Variants in CNTNAP2 observed in about 807,000 individuals in gnomAD.
CNTNAP2 encodes the protein contactin associated protein 2.
A neutral mutation model predicts 155.2 loss-of-function variants in CNTNAP2; 98 were observed. The ratio of observed to expected loss-of-function variants is 0.63; its 90% CI spans 0.54 to 0.75. The LOEUF is 0.75. CNTNAP2 is among the 30% of genes least tolerant of loss of function. The pLI, the probability that CNTNAP2 is intolerant of heterozygous loss-of-function variation, is 0.00. For missense variants in CNTNAP2, 1,727 were observed against 1,688.1 expected (o/e 1.02, Z -0.40); for synonymous variants, 651 against 631.2 (o/e 1.03, Z -0.47).
At chr7:146,304,363 A>C (rs992899359) in intron 1 of CNTNAP2, among the ~76,000 whole-genome samples, 18 of 152,016 alleles carry the variant, frequency 1.2e-4, no homozygotes, top group African/African-American at 3.4e-4. Flanking sequence ...TCTTCCTAGC[A>C]TTGATGGTCT....
Position 147,469,506 on chromosome 7 carries a change from AT to A in CNTNAP2, c.1671-16403del, listed in dbSNP as rs71527812. Among the ~76,000 whole-genome samples the A allele has an allele frequency of 1.2e-3, 95 of 79,116 alleles. 1 individual carries two copies. Among genetic ancestry groups the A allele is most frequent in the Middle Eastern group, 7.6e-3 (1 of 132 alleles). 51.9% of individuals were successfully genotyped at this position (79,116 alleles called of 152,430 possible). A position where few individuals can be genotyped will look rare whatever the true frequency, so the allele number is the denominator to read the frequency against. ...CAGAGCACCAGGATGTCAGGCTGCA[AT>A]TTTTTTTTTTTTTTTTTTTTTTTTT... is the stretch of plus-strand genomic sequence containing the variant. On this transcript the variant is annotated intron_variant, in intron 10 of 23. Coordinates refer to ENST00000361727, the MANE Select transcript of CNTNAP2 (RefSeq NM_014141.6).
intron 1 of CNTNAP2, among the ~76,000 whole-genome samples, chr7:146,385,799 G>A (rs1166216949): frequency 6.6e-6 from 1 of 152,168 alleles, no homozygotes; most frequent in Admixed American, 6.5e-5. Context: ...AATGCTTACA[G>A]TAATGGGTTG....
intron 8 of CNTNAP2, among the ~76,000 whole-genome samples, chr7:147,224,135 A>G (rs1414372523): frequency 6.6e-6 from 1 of 152,078 alleles, no homozygotes; most frequent in Non-Finnish European, 1.5e-5. Context: ...TCTGGGGGGC[A>G]GCAGTTTGCC....
intron 13 of CNTNAP2, among the ~76,000 whole-genome samples, chr7:147,727,243 A>C (rs776671032): frequency 1.3e-5 from 2 of 151,920 alleles, no homozygotes; most frequent in Non-Finnish European, 2.9e-5. Context: ...TACACTGGGC[A>C]CTTAGTAGGT....
At chr7:146,126,467 G>C (rs931813644) in intron 1 of CNTNAP2, among the ~76,000 whole-genome samples, 2 of 152,074 alleles carry the variant, frequency 1.3e-5, no homozygotes, top group East Asian at 3.9e-4. Flanking sequence ...TCACAATAAG[G>C]TACTTTTGCA....
intron 15 of CNTNAP2, among the ~76,000 whole-genome samples, chr7:148,044,022 T>C (rs1802724648): frequency 6.6e-6 from 1 of 152,218 alleles, no homozygotes; most frequent in South Asian, 2.1e-4. Flanking sequence ...TACGTTTCAC[T>C]TGAGCTTGTA....
chr7:147,418,405 ATCCCTTT>A lies in CNTNAP2; in HGVS notation c.1670+22627_1670+22633del, dbSNP rs559442584. 2.1e-4 allele frequency among the ~76,000 whole-genome samples: 32 copies of A among 152,342 alleles called. 1 individual carries two copies. The highest frequency in any genetic ancestry group is 7.5e-4 in the African/African-American group (31 of 41,580). ...CATTTCAGAACACATAAGCCACGGTATCCCTTTTATTATATAGACATCGATATGAAGA... is the reference window on the plus strand; with the variant it reads ...CATTTCAGAACACATAAGCCACGGTATATTATATAGACATCGATATGAAGA... On this transcript the variant is annotated intron_variant, in intron 10 of 23. Coordinates refer to ENST00000361727, the MANE Select transcript of CNTNAP2 (RefSeq NM_014141.6).
In CNTNAP2 at chr7:146,941,501, T is replaced by TA. The variant is rs568035098; in HGVS notation, c.402+101598dup. On this transcript the variant is annotated intron_variant, in intron 3 of 23. Coordinates refer to ENST00000361727, the MANE Select transcript of CNTNAP2 (RefSeq NM_014141.6). ...TAATAGTTTTGTCTTTTAACCTTCA[T>TA]ACTAATGATATACATGATTTACACA... Among the ~76,000 whole-genome samples the TA allele has an allele frequency of 3.9e-3, 591 of 152,278 alleles. 7 individuals carry two copies. The highest frequency in any genetic ancestry group is 0.013 in the African/African-American group (542 of 41,574).
chr7:146,294,231 C>T (rs1800477139), intron 1 of CNTNAP2, among the ~76,000 whole-genome samples: 2 of 152,190 alleles, frequency 1.3e-5, no homozygotes, highest in Non-Finnish European at 1.5e-5. Flanking sequence ...AGTCATTCAT[C>T]TTAAGCATCC....
intron 3 of CNTNAP2, among the ~76,000 whole-genome samples, chr7:147,027,004 G>GAAAAAAAAAAAAAAAA (rs57810224): frequency 4.4e-5 from 3 of 67,432 alleles, no homozygotes; most frequent in African/African-American, 1.8e-4. Flanking sequence ...AAACAGAACA[G>GAAAAAAAAAAAAAAAA]AAAAAAAAAA....
chr7:146,360,594 G>C (rs1795068596), intron 1 of CNTNAP2, among the ~76,000 whole-genome samples: 1 of 152,318 alleles, frequency 6.6e-6, no homozygotes, highest in South Asian at 2.1e-4. Context: ...TTTGCAAGCT[G>C]TATTTGCCCT....
chr7:148,097,472 A>AT (rs1323868654), intron 15 of CNTNAP2, among the ~76,000 whole-genome samples: 10 of 152,104 alleles, frequency 6.6e-5, no homozygotes, highest in African/African-American at 2.4e-4. Context: ...ACATGATATC[A>AT]TTTTTAAGCT....
At position 147,210,463 on chromosome 7, in the gene CNTNAP2, G is replaced by A. The variant is rs149985745; in HGVS notation, c.1348+77954G>A. 2.8e-3 allele frequency among the ~76,000 whole-genome samples: 430 copies of A among 151,042 alleles called. 3 individuals are homozygous for A. Among genetic ancestry groups the A allele is most frequent in the East Asian group, 4.6e-3 (24 of 5,170 alleles). ...TGTCACCTTTGTCATTTTTTAATATGCTTATTTAAATCTTCTCTCAGATTT... is the reference window on the plus strand; with the variant it reads ...TGTCACCTTTGTCATTTTTTAATATACTTATTTAAATCTTCTCTCAGATTT... On this transcript the variant is annotated intron_variant, in intron 8 of 23. Transcript: ENST00000361727.
At chr7:148,361,325 G>A (rs1798615488) in intron 21 of CNTNAP2, among the ~76,000 whole-genome samples, 1 of 152,152 alleles carries the variant, frequency 6.6e-6, no homozygotes, top group Non-Finnish European at 1.5e-5. Context: ...AGGGGCCCGG[G>A]ATTACACGCA....
chr7:146,289,466 G>A (rs1800393750), intron 1 of CNTNAP2, among the ~76,000 whole-genome samples: 1 of 152,064 alleles, frequency 6.6e-6, no homozygotes, highest in Non-Finnish European at 1.5e-5. Context: ...ACATTTTTCT[G>A]TTATGATTAA....
intron 13 of CNTNAP2, among the ~76,000 whole-genome samples, chr7:147,867,242 A>C (rs2116695599): frequency 6.6e-6 from 1 of 152,286 alleles, no homozygotes; most frequent in Middle Eastern, 3.4e-3. Flanking sequence ...TTCTGGGTTG[A>C]AAATTCTTTT....
intron 18 of CNTNAP2, among the ~76,000 whole-genome samples, chr7:148,173,087 G>A (rs1165367940): frequency 6.6e-6 from 1 of 152,188 alleles, no homozygotes; most frequent in Non-Finnish European, 1.5e-5. Context: ...TTATTACTTG[G>A]TTATTTTAGT....
Position 147,343,122 on chromosome 7 carries a change from C to T in CNTNAP2, c.1498+42832C>T, listed in dbSNP as rs928601037. 2.6e-5 allele frequency among the ~76,000 whole-genome samples: 4 copies of T among 152,092 alleles called. 1 individual carries two copies. Among genetic ancestry groups the T allele is most frequent in the African/African-American group, 9.6e-5 (4 of 41,516 alleles). On this transcript the variant is annotated intron_variant, in intron 9 of 23. Coordinates refer to ENST00000361727, the MANE Select transcript of CNTNAP2 (RefSeq NM_014141.6). ...CTTTTAAGCAAGGGTAAAATGATGC[C>T]AGCTAGAAGCCTATATATTGTTTCC...
intron 12 of CNTNAP2, among the ~76,000 whole-genome samples, chr7:147,623,590 A>G (rs950436981): frequency 2.6e-5 from 4 of 152,096 alleles, no homozygotes; most frequent in Non-Finnish European, 2.9e-5. Flanking sequence ...CACTCATGAA[A>G]GAAATTGAGG....
Sources: gnomAD v4.1 joint callset for allele counts (sites outside exome capture counted in the v4.1 genomes callset) on GRCh38, gnomAD v4.1.1 for gene constraint, MANE v1.5 for transcripts, NCBI Gene and HGNC (gene_info 2026-07-23, HGNC 2026-07-21) for gene names.